NAALADL2: variants seen among roughly 807,000 people sequenced by gnomAD.
NAALADL2 encodes N-acetylated alpha-linked acidic dipeptidase like 2.
NAALADL2 carries 76 observed loss-of-function variants against 87.2 expected under a neutral mutation model. The ratio of observed to expected loss-of-function variants is 0.87; its 90% CI spans 0.72 to 1.05. NAALADL2 has a LOEUF of 1.05. Among genes scored for constraint, NAALADL2 ranks in the 50% least tolerant of loss-of-function variants. The pLI, the probability that NAALADL2 is intolerant of heterozygous loss-of-function variation, is 0.00. For missense variants in NAALADL2, 1,089 were observed against 945.8 expected (o/e 1.15, Z -1.99); for synonymous variants, 354 against 331.0 (o/e 1.07, Z -0.75).
chr3:174,790,357 A>G (rs2109198110), intron 3 of NAALADL2, among the ~76,000 whole-genome samples: 1 of 152,268 alleles, frequency 6.6e-6, no homozygotes, highest in East Asian at 1.9e-4. Context: ...GATCTGTCAA[A>G]TATTGCATAA....
At chr3:175,778,975 T>C (rs997451801) in intron 13 of NAALADL2, among the ~76,000 whole-genome samples, 1 of 152,062 alleles carries the variant, frequency 6.6e-6, no homozygotes, top group Non-Finnish European at 1.5e-5. Flanking sequence ...CACAAAAAAA[T>C]GAAGACTCAA....
intron 5 of NAALADL2, among the ~76,000 whole-genome samples, chr3:175,349,715 GAA>G (rs1020020223): frequency 2.0e-5 from 3 of 152,118 alleles, no homozygotes; most frequent in Admixed American, 1.3e-4. Context: ...GTTTGGGAGA[GAA>G]AGGATAGAAA....
intron 4 of NAALADL2, among the ~76,000 whole-genome samples, chr3:175,312,418 A>G (rs1298155144): frequency 6.6e-6 from 1 of 150,948 alleles, no homozygotes; most frequent in Non-Finnish European, 1.5e-5. Context: ...ATTAATCCCC[A>G]TGACAGGGCT....
In NAALADL2 at chr3:174,787,600, T is replaced by TATATATATACATATATATATATACAC. The variant is rs1716912209; in HGVS notation, c.-9+49863_-9+49864insCATATATATATATACACATATATATA. ...TCATATATATATATATATATATATA[T>TATATATATACATATATATATATACAC]ATATATATATATATATATATAGTAG... On this transcript the variant is annotated intron_variant, in intron 3 of 3. Coordinates refer to the NAALADL2 transcript ENST00000434257. 7.3e-5 allele frequency among the ~76,000 whole-genome samples: 5 copies of TATATATATACATATATATATATACAC among 68,460 alleles called. 1 individual carries two copies. Among genetic ancestry groups the TATATATATACATATATATATATACAC allele is most frequent in the Non-Finnish European group, 1.0e-4 (3 of 29,614 alleles). The allele number at this position is 68,460 out of a possible 152,430, so 44.9% of individuals were successfully genotyped here. A position where few individuals can be genotyped will look rare whatever the true frequency, so the allele number is the denominator to read the frequency against.
At chr3:175,036,623 T>A (rs1401993644) in intron 1 of NAALADL2, among the ~76,000 whole-genome samples, 3 of 152,002 alleles carry the variant, frequency 2.0e-5, no homozygotes, top group African/African-American at 4.8e-5. Flanking sequence ...ATGGTCTCGA[T>A]CTCCTGACCT....
intron 3 of NAALADL2, among the ~76,000 whole-genome samples, chr3:174,747,238 G>A (rs763170633): frequency 2.0e-5 from 3 of 151,714 alleles, no homozygotes; most frequent in Non-Finnish European, 4.4e-5. Context: ...ACAAGAAAAG[G>A]CCAAACAACC....
At chr3:175,608,666 T>C (rs562185499) in intron 10 of NAALADL2, among the ~76,000 whole-genome samples, 8 of 152,032 alleles carry the variant, frequency 5.3e-5, no homozygotes, top group Non-Finnish European at 8.8e-5. Context: ...AAACAATGAG[T>C]CTTTTAGATA....
In NAALADL2 at chr3:175,810,446, C is replaced by A. The variant is rs1755078627; in HGVS notation, c.*7243C>A. On this transcript the variant is annotated 3_prime_UTR_variant, in exon 14 of 14. Coordinates refer to ENST00000454872, the MANE Select transcript of NAALADL2 (RefSeq NM_207015.3). ...AACATAGTACTAGGAAATGAAGGCACCATTTAACAAACGTGTTCTGAATCA... is the reference window on the plus strand; with the variant it reads ...AACATAGTACTAGGAAATGAAGGCAACATTTAACAAACGTGTTCTGAATCA... 6.6e-6 allele frequency: 1 copy of A among 151,848 alleles called. No homozygotes were observed. The highest frequency in any genetic ancestry group is 1.5e-5 in the Non-Finnish European group (1 of 67,924). 9.4% of individuals were successfully genotyped at this position (151,848 alleles called of 1,614,324 possible).
At chr3:174,536,131 T>G (rs574678392) in intron 1 of NAALADL2, among the ~76,000 whole-genome samples, 2 of 152,278 alleles carry the variant, frequency 1.3e-5, no homozygotes, top group African/African-American at 4.8e-5. Context: ...GTTTCTAGTA[T>G]GTATGTCTTG....
intron 13 of NAALADL2, among the ~76,000 whole-genome samples, chr3:175,797,293 CATG>C (rs1382995313): frequency 2.0e-4 from 31 of 152,068 alleles, no homozygotes; most frequent in African/African-American, 5.3e-4. Flanking sequence ...TTATTTTACA[CATG>C]ATAACTACTA....
chr3:175,500,306 C>T (rs996987075), intron 9 of NAALADL2, among the ~76,000 whole-genome samples: 9 of 152,044 alleles, frequency 5.9e-5, no homozygotes, highest in Non-Finnish European at 8.8e-5. Flanking sequence ...GAATCTGAGA[C>T]AATTACCTCA....
intron 4 of NAALADL2, among the ~76,000 whole-genome samples, chr3:175,301,322 G>A (rs1004349426): frequency 2.0e-5 from 3 of 152,062 alleles, no homozygotes; most frequent in Admixed American, 1.3e-4. Flanking sequence ...AATACCTAAC[G>A]TAGATGGCGG....
chr3:175,690,382 C>A (rs895218592), intron 11 of NAALADL2, among the ~76,000 whole-genome samples: 3 of 151,988 alleles, frequency 2.0e-5, no homozygotes, highest in Non-Finnish European at 4.4e-5. Context: ...GTAGTACAGC[C>A]ACATGATGAT....
intron 5 of NAALADL2, among the ~76,000 whole-genome samples, chr3:175,432,568 C>T (rs1041873956): frequency 6.6e-6 from 1 of 152,034 alleles, no homozygotes; most frequent in Non-Finnish European, 1.5e-5. Flanking sequence ...TCCCTTTTCA[C>T]AGCCTTATTT....
At chr3:175,738,243 A>AT (rs67330218) in intron 12 of NAALADL2, among the ~76,000 whole-genome samples, 41 of 150,434 alleles carry the variant, frequency 2.7e-4, no homozygotes, top group African/African-American at 8.3e-4. Flanking sequence ...TGAAAATTTA[A>AT]TTTTTTTTTT....
rs1467402546 is a variant in NAALADL2 at position 175,472,404 on chromosome 3, T to C, written c.1653+646T>C. On this transcript the variant is annotated intron_variant, in intron 9 of 13. Transcript: ENST00000454872. ...TTTATTAGTAGAGTTCACACTTTTATTTCTGCATTCTTATTATGAATTTCA... is the reference window on the plus strand; with the variant it reads ...TTTATTAGTAGAGTTCACACTTTTACTTCTGCATTCTTATTATGAATTTCA... Among the ~76,000 whole-genome samples the C allele has an allele frequency of 2.0e-5, 3 of 152,208 alleles. No individual in the cohort carries two copies. In the East Asian group the frequency reaches 5.8e-4, roughly 29 times the overall value.
intron 1 of NAALADL2, among the ~76,000 whole-genome samples, chr3:174,925,805 G>A (rs918557123): frequency 2.0e-5 from 3 of 152,030 alleles, no homozygotes; most frequent in Non-Finnish European, 2.9e-5. Flanking sequence ...TTGTAAGTTG[G>A]ATTCCTAGGT....
intron 1 of NAALADL2, among the ~76,000 whole-genome samples, chr3:175,014,774 A>C (rs1750603351): frequency 6.6e-6 from 1 of 152,136 alleles, no homozygotes; most frequent in African/African-American, 2.4e-5. Context: ...AATCCATAAC[A>C]CTTAAATAAT....
chr3:175,530,287 A>C (rs1236537540), intron 9 of NAALADL2, among the ~76,000 whole-genome samples: 1 of 152,192 alleles, frequency 6.6e-6, no homozygotes. Context: ...CCATTCAGAG[A>C]GGTCGATCCA....
Sources: gnomAD v4.1 joint callset for allele counts (sites outside exome capture counted in the v4.1 genomes callset) on GRCh38, gnomAD v4.1.1 for gene constraint, MANE v1.5 for transcripts, NCBI Gene and HGNC (gene_info 2026-07-23, HGNC 2026-07-21) for gene names.